ZNF677: variants seen among roughly 807,000 people sequenced by gnomAD.
ZNF677 encodes zinc finger protein 677.
A neutral mutation model predicts 8.1 loss-of-function variants in ZNF677; 5 were observed. That is an observed-to-expected ratio of 0.62 (90% CI 0.32 to 1.29). The LOEUF is 1.29. ZNF677 is among the 50% of genes most tolerant of loss of function. ZNF677 has a pLI of 0.05. For synonymous variants in ZNF677, 221 were observed against 225.6 expected (o/e 0.98, Z 0.18); for missense variants, 685 against 685.9 (o/e 1.00, Z 0.01).
chr19:53,237,886 GA>G lies in ZNF677; in HGVS notation c.840del (p.His281IlefsTer332), dbSNP rs1160140358. ...CTCTGTCCAGAGTGAATTCTCTGAT[GA>G]TTAGTGAGGTTCGAACTTTTGCTAA... Reference protein sequence around the residue: ...KAFSKSSNLTNHQRIHSGQRP... With the variant: ...KAFSKSSNLTXHQRIHSGQRP... On this transcript the variant is annotated frameshift_variant, in exon 5 of 5. Coordinates refer to ENST00000598513, the MANE Select transcript of ZNF677 (RefSeq NM_182609.4). LOFTEE classifies it low-confidence loss of function (END_TRUNC). 6.2e-7 allele frequency: 1 copy of G among 1,613,398 alleles called. No homozygotes were observed.
At chr19:53,250,353 C>T (rs4803080) in intron 3 of ZNF677, among the ~76,000 whole-genome samples, 65,567 of 152,026 alleles carry the variant, frequency 0.43, 14,591 homozygotes, top group East Asian at 0.75. Context: ...TCCCATCATG[C>T]GTGCATGAAC....
Position 53,237,709 on chromosome 19 carries a change from T to A in ZNF677, c.1018A>T (p.Met340Leu), listed in dbSNP as rs762366647. 6.2e-7 allele frequency: 1 copy of A among 1,613,798 alleles called. No individual in the cohort carries two copies. Among genetic ancestry groups the A allele is most frequent in the Non-Finnish European group, 8.5e-7 (1 of 1,179,858 alleles). The change falls in exon 5 of 5, where the codon ATG (methionine) becomes TTG (leucine). Residue 340 changes from methionine to leucine, a missense_variant. Met to Leu is a conservative substitution (Grantham distance 15). Transcript: ENST00000598513. ...TTGTAAGGTTTCTCTCCAGTATGCA[T>A]CCTCTGATGACTTGCAAGATTTGAA... ...QNSNLASHQR[M>L]HTGEKPYKCN...
chr19:53,236,984 T>C lies in ZNF677; in HGVS notation c.1743A>G (p.Ser581=). ...IKYNETKIKY[S]SCT is the part of the protein sequence containing the mutation. Reference sequence around the variant, plus strand: ...GGAGCCCCTGATGCTAGGTACAGCTTGAATACTTAATTTTTGTCTCATTAT... The same window carrying C: ...GGAGCCCCTGATGCTAGGTACAGCTCGAATACTTAATTTTTGTCTCATTAT... The change falls in exon 5 of 5, where the codon TCA becomes TCG. Residue 581 remains serine (S), a synonymous_variant. Transcript: ENST00000598513. 1.3e-6 allele frequency: 2 copies of C among 1,560,824 alleles called. No homozygotes were observed. Among genetic ancestry groups the C allele is most frequent in the Non-Finnish European group, 1.7e-6 (2 of 1,159,682 alleles).
intron 3 of ZNF677, among the ~76,000 whole-genome samples, chr19:53,246,187 G>A (rs902286983): frequency 1.1e-4 from 17 of 151,886 alleles, no homozygotes; most frequent in African/African-American, 2.7e-4. Context: ...GCATGGTGGC[G>A]GGCGCCTGTA....
intron 4 of ZNF677, 61 bp downstream of exon 4, chr19:53,243,683 C>T (rs1476894173): frequency 6.2e-6 from 10 of 1,604,674 alleles, no homozygotes; most frequent in African/African-American, 1.3e-5. Flanking sequence ...TTCAGACAAG[C>T]ACATCAGGGC....
chr19:53,250,273 C>T (rs754219163), intron 3 of ZNF677, among the ~76,000 whole-genome samples: 11 of 152,140 alleles, frequency 7.2e-5, no homozygotes, highest in Non-Finnish European at 1.6e-4. Flanking sequence ...TAAATTAGTT[C>T]AACCATCCTG....
intron 4 of ZNF677, chr19:53,240,738 T>C (rs1049184546): frequency 1.3e-5 from 2 of 152,366 alleles, no homozygotes; most frequent in Non-Finnish European, 2.9e-5. Flanking sequence ...AGTGTAATTA[T>C]TCTGTAAGAT....
rs932011024 is a variant in ZNF677, at chr19:53,237,047, A to G, written c.1680T>C (p.Asp560=). 6.2e-7 allele frequency: 1 copy of G among 1,601,482 alleles called. No homozygotes were observed. ...NALFQSSNLG[D]HQKSYNREKH... ...TTTCTCTATTATAACTTTTTTGATG[A>G]TCTCCAAGGTTTGAACTTTGGAATA... The change falls in exon 5 of 5, where the codon GAT becomes GAC. Residue 560 remains aspartate (D), a synonymous_variant. Coordinates refer to ENST00000598513, the MANE Select transcript of ZNF677 (RefSeq NM_182609.4).
chr19:53,252,348 T>A (rs1387743222), intron 2 of ZNF677, among the ~76,000 whole-genome samples: 1 of 152,142 alleles, frequency 6.6e-6, no homozygotes, highest in Admixed American at 6.5e-5. Context: ...CATCTCCACG[T>A]TACAGGTGGG....
intron 3 of ZNF677, among the ~76,000 whole-genome samples, chr19:53,244,655 T>C (rs2091108353): frequency 6.6e-6 from 1 of 152,218 alleles, no homozygotes; most frequent in African/African-American, 2.4e-5. Flanking sequence ...AGAAAATTAA[T>C]ACTATGAAAA....
intron 1 of ZNF677, among the ~76,000 whole-genome samples, chr19:53,254,266 C>G (rs975821497): frequency 1.3e-5 from 2 of 151,582 alleles, no homozygotes; most frequent in African/African-American, 4.8e-5. Context: ...CTTCCACCTT[C>G]TGTTTCTTTC....
chr19:53,251,647 C>T, intron 2 of ZNF677, 42 bp from the exon 3 acceptor site: 1 of 1,436,632 alleles, frequency 7.0e-7, no homozygotes, highest in African/African-American at 1.4e-5. Flanking sequence ...AAAATCAACA[C>T]ACCCCCTGCC....
chr19:53,244,052 A>C, intron 3 of ZNF677, 155 bp from the exon 4 acceptor site: 7 of 689,982 alleles, frequency 1.0e-5, no homozygotes, highest in African/African-American at 1.8e-5. Context: ...CTGAGATGAA[A>C]TTACATAACA....
At chr19:53,239,660 C>T (rs1046697996) in intron 4 of ZNF677, 9 of 140,608 alleles carry the variant, frequency 6.4e-5, no homozygotes, top group Non-Finnish European at 1.6e-5. Context: ...AAAGGTCAAT[C>T]TCATAAGAAA....
intron 3 of ZNF677, among the ~76,000 whole-genome samples, chr19:53,247,206 T>C (rs1278563924): frequency 6.6e-6 from 1 of 152,198 alleles, no homozygotes; most frequent in African/African-American, 2.4e-5. Flanking sequence ...GAATATGCTA[T>C]GTGCACTAGA....
intron 4 of ZNF677, 74 bp downstream of exon 4, chr19:53,243,670 G>A (rs776018039): frequency 3.5e-5 from 55 of 1,590,850 alleles, no homozygotes; most frequent in African/African-American, 1.2e-4. Context: ...AACAGGGATC[G>A]GATTCAGACA....
At chr19:53,251,665 C>T in intron 2 of ZNF677, 60 bp from the exon 3 acceptor site, 1 of 1,218,522 alleles carries the variant, frequency 8.2e-7, no homozygotes, top group East Asian at 2.4e-5. Context: ...GCCTCTACCA[C>T]ACACACACAG....
Position 53,237,514 on chromosome 19 carries a change from A to T in ZNF677, c.1213T>A (p.Cys405Ser). 1 of 1,613,826 alleles carries T rather than the reference A, an allele frequency of 6.2e-7. No individual in the cohort carries two copies. Among genetic ancestry groups the T allele is most frequent in the Non-Finnish European group, 8.5e-7 (1 of 1,179,934 alleles). The part of the protein sequence containing the change: ...RIHTGEKPYI[C>S]NECGKAFKQC... The stretch of plus-strand genomic sequence containing the variant: ...TTAAAAGCTTTGCCACACTCATTAC[A>T]TATGTAAGGCTTCTCTCCAGTATGG... Residue 405 changes from cysteine to serine, a missense_variant, in exon 5 of 5, where the codon TGT becomes AGT. Cys to Ser is a moderately radical substitution (Grantham distance 112, BLOSUM62 -1). Coordinates refer to ENST00000598513, the MANE Select transcript of ZNF677 (RefSeq NM_182609.4).
intron 3 of ZNF677, among the ~76,000 whole-genome samples, chr19:53,247,037 A>T (rs1405352664): frequency 6.6e-6 from 1 of 152,216 alleles, no homozygotes; most frequent in African/African-American, 2.4e-5. Context: ...ATCATACCTC[A>T]ATAAGGAAGT....
Sources: gnomAD v4.1 joint callset for allele counts (sites outside exome capture counted in the v4.1 genomes callset) on GRCh38, gnomAD v4.1.1 for gene constraint, MANE v1.5 for transcripts, NCBI Gene and HGNC (gene_info 2026-07-23, HGNC 2026-07-21) for gene names.